Variants in ATP2C1 observed in about 807,000 individuals in gnomAD.
ATP2C1 encodes the protein ATPase secretory pathway Ca2+ transporting 1, also known as calcium-transporting ATPase type 2C member 1.
Under a neutral mutation model 120.5 loss-of-function variants are expected in ATP2C1, and 31 were observed. The observed-to-expected ratio is 0.26, with a 90% CI of 0.19 to 0.35. ATP2C1 has a LOEUF of 0.35. ATP2C1 is among the 10% of genes least tolerant of loss of function. The pLI is 1.00. For missense variants in ATP2C1, 731 were observed against 1,107.5 expected (o/e 0.66, Z 4.83); for synonymous variants, 351 against 358.7 (o/e 0.98, Z 0.24).
At chr3:130,998,233 G>A (rs185998426) in intron 25 of ATP2C1, 61 bp from the exon 26 acceptor site, 17 of 1,092,152 alleles carry the variant, frequency 1.6e-5, no homozygotes, top group Non-Finnish European at 2.0e-5. Context: ...TTTTTAAAAA[G>A]CAGCGATTTA....
chr3:130,906,675 GT>G (rs35292140), intron 2 of ATP2C1, among the ~76,000 whole-genome samples: 2,749 of 133,504 alleles, frequency 0.021, 42 homozygotes, highest in African/African-American at 0.048. Flanking sequence ...ACATTTTGCT[GT>G]TTTTTTTTTT....
At chr3:130,905,931 G>A (rs1173596127) in intron 2 of ATP2C1, among the ~76,000 whole-genome samples, 2 of 152,028 alleles carry the variant, frequency 1.3e-5, no homozygotes, top group East Asian at 3.9e-4. Context: ...ATAACTGTCA[G>A]TGCTTGAAAT....
chr3:131,016,681 A>C (rs953601131), exon 27 of ATP2C1: 3 of 339,570 alleles, frequency 8.8e-6, no homozygotes, highest in Admixed American at 8.7e-5. Flanking sequence ...ACTATTAAAT[A>C]TTATTCTCTT....
intron 1 of ATP2C1, among the ~76,000 whole-genome samples, chr3:130,866,647 T>G (rs1410354412): frequency 6.6e-6 from 1 of 152,214 alleles, no homozygotes; most frequent in African/African-American, 2.4e-5. Flanking sequence ...TGATACTCAA[T>G]TACCTAAGAG....
Position 130,996,048 on chromosome 3 carries a change from C to T in ATP2C1, c.2063C>T (p.Ala688Val). ...VDDDFQTIMS[A>V]IEEGKGIYNN... ...CTTTATTTTTTAAATTTCAGGTCTGCAATCGAAGAGGGTAAAGGGATTTAT... is the reference window on the plus strand; with the variant it reads ...CTTTATTTTTTAAATTTCAGGTCTGTAATCGAAGAGGGTAAAGGGATTTAT... The change falls in exon 23 of 28, where the codon GCA (alanine) becomes GTA (valine). Residue 688 changes from alanine (A) to valine (V), a missense_variant. By Grantham distance (64) the Ala-to-Val change is moderately conservative (BLOSUM62 0). This residue lies in a region of ATP2C1 where 571 missense variants were observed against 845.9 expected (regional missense o/e 0.67). Coordinates refer to ENST00000510168, the MANE Select transcript of ATP2C1 (RefSeq NM_001378687.1). The T allele has an allele frequency of 6.3e-7, 1 of 1,588,502 alleles. No homozygotes were observed.
intron 2 of ATP2C1, chr3:130,899,655 G>T (rs906588625): frequency 1.3e-5 from 2 of 152,022 alleles, no homozygotes; most frequent in African/African-American, 4.8e-5. Context: ...AGTATAAATC[G>T]TAGAATTACA....
chr3:130,976,571 A>T (rs544346771), intron 18 of ATP2C1, among the ~76,000 whole-genome samples: 1 of 152,138 alleles, frequency 6.6e-6, no homozygotes, highest in Non-Finnish European at 1.5e-5. Flanking sequence ...GATGGAAAAA[A>T]ATTTAAAGGA....
Position 130,894,698 on chromosome 3 carries a change from C to T in ATP2C1, c.-72C>T, listed in dbSNP as rs1026008815. The T allele has an allele frequency of 8.7e-6, 14 of 1,613,966 alleles. No individual in the cohort carries two copies. In the African/African-American group the frequency reaches 1.9e-4, roughly 22 times the overall value. Reference sequence around the variant, plus strand: ...CTTCCTTGTCCTCCTCCTCTCCTCTCTATTCCCAGTGTGGCCGTGGCTGAC... The same window carrying T: ...CTTCCTTGTCCTCCTCCTCTCCTCTTTATTCCCAGTGTGGCCGTGGCTGAC... On this transcript the variant is annotated 5_prime_UTR_variant, in exon 2 of 28. Transcript: ENST00000510168. This position sits in a 1 kb window ranked among gnomAD's most constrained non-coding sequence, Gnocchi z 4.5.
intron 1 of ATP2C1, among the ~76,000 whole-genome samples, chr3:130,874,258 A>C (rs958844596): frequency 1.3e-5 from 2 of 152,238 alleles, no homozygotes; most frequent in African/African-American, 4.8e-5. Flanking sequence ...ATTTCTAATG[A>C]GTGATAAGGA....
At chr3:130,892,633 G>A (rs1032777358), upstream of ATP2C1, among the ~76,000 whole-genome samples, 4 of 151,386 alleles carry the variant, frequency 2.6e-5, no homozygotes, top group Middle Eastern at 3.2e-3. Flanking sequence ...AGGCAACCCC[G>A]TCCGTTAATT....
chr3:130,911,044 T>G (rs1361103248), intron 2 of ATP2C1, among the ~76,000 whole-genome samples: 1 of 151,980 alleles, frequency 6.6e-6, no homozygotes, highest in Non-Finnish European at 1.5e-5. Context: ...TCCTTGTACC[T>G]CTGATAGAAT....
At chr3:130,852,726 T>A (rs2067713704) in intron 1 of ATP2C1, among the ~76,000 whole-genome samples, 1 of 152,228 alleles carries the variant, frequency 6.6e-6, no homozygotes, top group Admixed American at 6.5e-5. Context: ...TGGGAAGTTA[T>A]AAAGGAGGTT....
intron 3 of ATP2C1, 24 bp downstream of exon 3, chr3:130,930,550 G>A (rs1352980020): frequency 1.4e-6 from 2 of 1,405,624 alleles, no homozygotes; most frequent in Non-Finnish European, 2.0e-6. Context: ...GGGGAGGAAG[G>A]GACTAGATGG....
intron 2 of ATP2C1, among the ~76,000 whole-genome samples, chr3:130,915,467 A>C (rs1326440091): frequency 6.6e-6 from 1 of 152,140 alleles, no homozygotes; most frequent in Non-Finnish European, 1.5e-5. Context: ...TTAGGGAAAA[A>C]GTCTGTTACT....
At chr3:130,882,624 TG>T (rs2068821885) in intron 1 of ATP2C1, among the ~76,000 whole-genome samples, 1 of 152,218 alleles carries the variant, frequency 6.6e-6, no homozygotes, top group African/African-American at 2.4e-5. Flanking sequence ...ATATGGTTTT[TG>T]TCCTTCATTC....
intron 6 of ATP2C1, among the ~76,000 whole-genome samples, chr3:130,938,944 A>C (rs1208740601): frequency 6.6e-6 from 1 of 152,248 alleles, no homozygotes; most frequent in Non-Finnish European, 1.5e-5. Context: ...ATTTTACACA[A>C]GATAGTGTTG....
chr3:131,003,078 CTT>C lies in ATP2C1; in HGVS notation c.*1729_*1730del. 1.0e-6 allele frequency: 1 copy of C among 985,376 alleles called. No individual in the cohort carries two copies. Among genetic ancestry groups the C allele is most frequent in the Non-Finnish European group, 1.2e-6 (1 of 829,526 alleles). 61.0% of individuals were successfully genotyped at this position (985,376 alleles called of 1,614,324 possible). A position where few individuals can be genotyped will look rare whatever the true frequency, so the allele number is the denominator to read the frequency against. ...TTTGCATTTTAGGTTCAGATTATGA[CTT>C]GATTGAAATAAATGTGCCTATACAT... is the stretch of plus-strand genomic sequence containing the variant. On this transcript the variant is annotated 3_prime_UTR_variant, in exon 28 of 28. Transcript: ENST00000510168.
Position 130,955,041 on chromosome 3 carries a change from T to A in ATP2C1, c.717T>A (p.Ser239=), listed in dbSNP as rs2060520373. The A allele has an allele frequency of 6.2e-7, 1 of 1,612,794 alleles. No homozygotes were observed. The highest frequency in any genetic ancestry group is 8.5e-7 in the Non-Finnish European group (1 of 1,179,180). The change falls in exon 10 of 28, where the codon TCT becomes TCA. Residue 239 remains serine, a synonymous_variant. Coordinates refer to ENST00000510168, the MANE Select transcript of ATP2C1 (RefSeq NM_001378687.1). ...TTGTCATTGGAACAGGAGAAAATTC[T>A]GAATTTGGGGAGGTTTTTAAAATGA... ...KGVVIGTGEN[S]EFGEVFKMMQ...
rs142872615 is a variant in ATP2C1, at chr3:130,898,290, A to T, written c.6+3515A>T. Among the ~76,000 whole-genome samples, 361 of 152,270 alleles carry T rather than the reference A, an allele frequency of 2.4e-3. 12 individuals are homozygous for T. In the East Asian group the frequency reaches 0.062, roughly 26 times the overall value. On this transcript the variant is annotated intron_variant, in intron 2 of 27. Coordinates refer to ENST00000510168, the MANE Select transcript of ATP2C1 (RefSeq NM_001378687.1). ...ATCTTTTTTGTTTGAAAATGGTTGT[A>T]TTTACACTTTACTTTTAAAAGCAGT...
Sources: gnomAD v4.1 joint callset for allele counts (sites outside exome capture counted in the v4.1 genomes callset) on GRCh38, gnomAD v4.1.1 for gene constraint, gnomAD v4.1.1 regional missense constraint, Gnocchi (gnomAD v3.1) non-coding constraint, MANE v1.5 for transcripts, NCBI Gene and HGNC (gene_info 2026-07-23, HGNC 2026-07-21) for gene names.